Variants in RIPOR2 observed in about 807,000 individuals in gnomAD.
RIPOR2 encodes the protein RHO family interacting cell polarization regulator 2.
Under a neutral mutation model 114.5 loss-of-function variants are expected in RIPOR2, and 39 were observed. The observed-to-expected ratio is 0.34, with a 90% confidence interval of 0.26 to 0.44. RIPOR2 has a LOEUF of 0.44. Ranked by LOEUF, RIPOR2 falls within the 20% of genes least tolerant of loss-of-function variation. The pLI is 1.00. For synonymous variants in RIPOR2, 445 were observed against 484.4 expected (o/e 0.92, Z 1.07); for missense variants, 1,007 against 1,255.1 (o/e 0.80, Z 2.99).
chr6:24,866,176 A>C (rs1764580479), intron 6 of RIPOR2, among the ~76,000 whole-genome samples: 1 of 152,236 alleles, frequency 6.6e-6, no homozygotes, highest in South Asian at 2.1e-4. Context: ...AACACTTAAG[A>C]ACTCAACTCT....
intron 1 of RIPOR2, among the ~76,000 whole-genome samples, chr6:24,920,820 G>C (rs912133803): frequency 1.2e-4 from 18 of 152,116 alleles, no homozygotes; most frequent in Admixed American, 1.2e-3. Context: ...TTTCAGTAAA[G>C]AGCAATGTTA....
intron 1 of RIPOR2, among the ~76,000 whole-genome samples, chr6:25,021,647 G>C (rs1163835317): frequency 6.6e-6 from 1 of 152,176 alleles, no homozygotes; most frequent in African/African-American, 2.4e-5. Flanking sequence ...GGGAAAGGGT[G>C]GGAAGGGGGT....
chr6:24,997,603 C>T (rs547552377), intron 1 of RIPOR2, among the ~76,000 whole-genome samples: 6 of 152,222 alleles, frequency 3.9e-5, no homozygotes, highest in Admixed American at 3.9e-4. Flanking sequence ...CCACTAGATG[C>T]CAGTAACAAG....
At chr6:24,925,479 G>A (rs1770799109) in intron 1 of RIPOR2, among the ~76,000 whole-genome samples, 1 of 152,144 alleles carries the variant, frequency 6.6e-6, no homozygotes, top group African/African-American at 2.4e-5. Context: ...CGAGGTGGGT[G>A]GATCAGGAGG....
chr6:24,936,708 G>T (rs1167848571), upstream of RIPOR2, among the ~76,000 whole-genome samples: 1 of 152,268 alleles, frequency 6.6e-6, no homozygotes, highest in East Asian at 1.9e-4. Flanking sequence ...GAGCACCATT[G>T]GCTGGCATCA....
At chr6:25,019,774 C>CAAAAAAAAAAAAAAAAAAAAAAAGAAA (rs1776214449) in intron 1 of RIPOR2, among the ~76,000 whole-genome samples, 1 of 53,122 alleles carries the variant, frequency 1.9e-5, no homozygotes, top group Non-Finnish European at 3.1e-5. Flanking sequence ...GACTCTGTCT[C>CAAAAAAAAAAAAAAAAAAAAAAAGAAA]AAAAAAAAAA....
rs1327967072 is a variant in RIPOR2, at chr6:24,842,916, A to G, written c.1803T>C (p.Tyr601=). ...LLALEPHKEQ[Y]KEFQDLNQEV... is the part of the protein sequence containing the mutation. Reference sequence around the variant, plus strand: ...CTTGGTTCAGATCCTGAAACTCTTTATACTGCTCTTTATGTGGTTCTAATG... The same window carrying G: ...CTTGGTTCAGATCCTGAAACTCTTTGTACTGCTCTTTATGTGGTTCTAATG... The change falls in exon 13 of 22, where the codon TAT becomes TAC. Residue 601 remains tyrosine, a synonymous_variant. Coordinates refer to ENST00000643898, the MANE Select transcript of RIPOR2 (RefSeq NM_001286445.3). 1.3e-6 allele frequency: 2 copies of G among 1,508,116 alleles called. No homozygotes were observed. The highest frequency in any genetic ancestry group is 1.4e-5 in the South Asian group (1 of 72,892). The allele number at this position is 1,508,116 out of a possible 1,614,324, so 93.4% of individuals were successfully genotyped here. A position where few individuals can be genotyped will look rare whatever the true frequency, so the allele number is the denominator to read the frequency against.
At chr6:25,041,612 C>T (rs1000966479) in intron 1 of RIPOR2, among the ~76,000 whole-genome samples, 1 of 152,206 alleles carries the variant, frequency 6.6e-6, no homozygotes, top group Admixed American at 6.5e-5. Flanking sequence ...TCTTGCTCAC[C>T]ACTTGAAACA....
At chr6:25,036,645 A>G (rs773654203) in intron 1 of RIPOR2, among the ~76,000 whole-genome samples, 6 of 152,164 alleles carry the variant, frequency 3.9e-5, no homozygotes, top group Non-Finnish European at 5.9e-5. Flanking sequence ...CTCCCACCTC[A>G]GCCTCCCAAA....
At chr6:25,019,288 G>A (rs1411461483) in intron 1 of RIPOR2, among the ~76,000 whole-genome samples, 1 of 152,162 alleles carries the variant, frequency 6.6e-6, no homozygotes, top group Non-Finnish European at 1.5e-5. Context: ...CAGGCATACT[G>A]TAATGTTCTC....
In RIPOR2 at chr6:24,830,497, G is replaced by C; in HGVS notation, c.2506+12C>G. ...GAAGGACAGAAATTCTCTCTCTACT[G>C]CTGCCTCATACCTGGGTCTGCAAGT... On this transcript the variant is annotated intron_variant, in intron 17 of 21. Transcript: ENST00000643898. 6.5e-7 allele frequency: 1 copy of C among 1,543,002 alleles called. No individual in the cohort carries two copies. Among genetic ancestry groups the C allele is most frequent in the Non-Finnish European group, 8.8e-7 (1 of 1,142,810 alleles).
intron 1 of RIPOR2, among the ~76,000 whole-genome samples, chr6:24,886,132 TAC>T (rs34756588): frequency 0.04 from 5,992 of 151,116 alleles, 289 homozygotes; most frequent in African/African-American, 0.11. Context: ...CTCCTCCAAA[TAC>T]ACACACACAC....
intron 1 of RIPOR2, among the ~76,000 whole-genome samples, chr6:24,901,903 T>G (rs1768488990): frequency 6.6e-6 from 1 of 152,314 alleles, no homozygotes; most frequent in East Asian, 1.9e-4. Context: ...ACAGGGTTGT[T>G]CTGTGGTTTA....
rs1196851841 is a variant in RIPOR2 at position 24,872,672 on chromosome 6, C to T, written c.423+209G>A. Among the ~76,000 whole-genome samples, 3 of 152,240 alleles carry T rather than the reference C, an allele frequency of 2.0e-5. 1 individual carries two copies. Among genetic ancestry groups the T allele is most frequent in the Middle Eastern group, 6.8e-3 (2 of 294 alleles). On this transcript the variant is annotated intron_variant, in intron 4 of 21. Transcript: ENST00000643898. Reference sequence around the variant, plus strand: ...TTTAAAAAATGATCTCATAAACATGCTTGGAAAATATTGAAAAGTATTAAC... The same window carrying T: ...TTTAAAAAATGATCTCATAAACATGTTTGGAAAATATTGAAAAGTATTAAC...
At chr6:24,847,737 G>A (rs1762461916) in intron 12 of RIPOR2, 3 of 1,514,100 alleles carry the variant, frequency 2.0e-6, no homozygotes, top group Non-Finnish European at 2.7e-6. Flanking sequence ...GAAGAATCAG[G>A]TTACTACATT....
At chr6:24,936,967 A>G (rs1771844040), upstream of RIPOR2, among the ~76,000 whole-genome samples, 1 of 152,190 alleles carries the variant, frequency 6.6e-6, no homozygotes, top group South Asian at 2.1e-4. Context: ...GTGTTACCCT[A>G]GAGAAACTGT....
chr6:24,985,573 TTCA>T (rs1774494406), intron 1 of RIPOR2, among the ~76,000 whole-genome samples: 1 of 152,154 alleles, frequency 6.6e-6, no homozygotes, highest in African/African-American at 2.4e-5. Flanking sequence ...TGACATGTTC[TTCA>T]TGAGGTGATG....
chr6:24,830,436 T>TC (rs1760575625), intron 17 of RIPOR2, 73 bp downstream of exon 17: 1 of 1,282,744 alleles, frequency 7.8e-7, no homozygotes. Context: ...AGGACCCCTC[T>TC]CCCCCGACCC....
At chr6:24,871,676 G>A (rs1031668604) in intron 4 of RIPOR2, among the ~76,000 whole-genome samples, 3 of 152,200 alleles carry the variant, frequency 2.0e-5, no homozygotes, top group African/African-American at 7.2e-5. Context: ...TTGAGGCTGT[G>A]ATAAGCTTTT....
Sources: gnomAD v4.1 joint callset for allele counts (sites outside exome capture counted in the v4.1 genomes callset) on GRCh38, gnomAD v4.1.1 for gene constraint, MANE v1.5 for transcripts, NCBI Gene and HGNC (gene_info 2026-07-23, HGNC 2026-07-21) for gene names.